PLEKHH1: variants seen among roughly 807,000 people sequenced by gnomAD.
PLEKHH1 encodes pleckstrin homology domain-containing family H member 1.
PLEKHH1 carries 104 observed loss-of-function variants against 160.0 expected under a neutral mutation model. The ratio of observed to expected loss-of-function variants is 0.65; its 90% CI spans 0.55 to 0.76. The LOEUF (loss-of-function observed/expected upper bound fraction) is 0.76. Among genes scored for constraint, PLEKHH1 ranks in the 30% least tolerant of loss-of-function variants. The pLI is 0.00. For missense variants in PLEKHH1, 1,427 were observed against 1,724.1 expected (o/e 0.83, Z 3.05); for synonymous variants, 619 against 678.4 (o/e 0.91, Z 1.36).
At chr14:67,536,997 ACCATTGTACTCCAG>A (rs1240556193) in intron 1 of PLEKHH1, among the ~76,000 whole-genome samples, 1 of 150,938 alleles carries the variant, frequency 6.6e-6, no homozygotes, top group Non-Finnish European at 1.5e-5. Context: ...CCGAGATTGC[ACCATTGTACTCCAG>A]CCTGGGTGAC....
At chr14:67,568,711 C>A (rs984112840) in intron 7 of PLEKHH1, among the ~76,000 whole-genome samples, 4 of 152,130 alleles carry the variant, frequency 2.6e-5, no homozygotes, top group African/African-American at 9.7e-5. Context: ...GCCGCAGTGG[C>A]TTCCTCATTA....
Position 67,573,783 on chromosome 14 carries a change from C to G in PLEKHH1, c.1840-18C>G, listed in dbSNP as rs761716751. On this transcript the variant is annotated intron_variant, in intron 12 of 28. Transcript: ENST00000329153. The surrounding 1 kb of genome is among the most constrained non-coding windows in gnomAD (Gnocchi z 4.8). ...GCTCCACATTCAGTGGCTCTCCTCT[C>G]CAATACTTTCTTTACAGAGTGATGT... The G allele has an allele frequency of 6.4e-7, 1 of 1,564,954 alleles. No individual in the cohort carries two copies.
chr14:67,587,088 C>T lies in PLEKHH1; in HGVS notation c.3948C>T (p.Thr1316=). The T allele has an allele frequency of 6.2e-7, 1 of 1,609,120 alleles. No homozygotes were observed. Among genetic ancestry groups the T allele is most frequent in the Admixed American group, 1.7e-5 (1 of 58,856 alleles). ...CCTCCTCTTAGATTGCAGAAGCTAC[C>T]TTCATCATGGCCAGCTATATGAACC... ...RMAAPKIAEA[T]FIMASYMNHC... The change falls in exon 29 of 29, where the codon ACC becomes ACT. Residue 1316 remains threonine (T), a synonymous_variant. Transcript: ENST00000329153.
At chr14:67,535,370 C>CTT (rs71129833) in intron 1 of PLEKHH1, among the ~76,000 whole-genome samples, 761 of 74,236 alleles carry the variant, frequency 0.01, 163 homozygotes, top group South Asian at 0.061. Flanking sequence ...GTGAGCACAT[C>CTT]TTTTTTTTTT....
At chr14:67,560,931 A>T (rs951497762) in intron 5 of PLEKHH1, among the ~76,000 whole-genome samples, 2 of 152,024 alleles carry the variant, frequency 1.3e-5, no homozygotes, top group Non-Finnish European at 2.9e-5. Flanking sequence ...GGGTTTCGTT[A>T]TGTTGGCCAG....
At position 67,576,699 on chromosome 14, in the gene PLEKHH1, G is replaced by A. The variant is rs925510925; in HGVS notation, c.2461+196G>A. On this transcript the variant is annotated intron_variant, in intron 17 of 28. Coordinates refer to ENST00000329153, the MANE Select transcript of PLEKHH1 (RefSeq NM_020715.3). The surrounding 1 kb of genome is among the most constrained non-coding windows in gnomAD (Gnocchi z 4.0). ...TACTAAGGTGACCACTCTGCATCTG[G>A]GGGAGTTTATCTGGGAAGCAGGCTT... 1.3e-5 allele frequency among the ~76,000 whole-genome samples: 2 copies of A among 152,168 alleles called. No homozygotes were observed. Among genetic ancestry groups the A allele is most frequent in the Non-Finnish European group, 2.9e-5 (2 of 68,016 alleles).
intron 4 of PLEKHH1, among the ~76,000 whole-genome samples, chr14:67,559,229 T>G (rs1032062162): frequency 2.0e-5 from 3 of 152,200 alleles, no homozygotes; most frequent in African/African-American, 7.2e-5. Flanking sequence ...AGGTAACACA[T>G]GCTTATAGTT....
At chr14:67,565,101 G>A (rs141981417) in intron 7 of PLEKHH1, among the ~76,000 whole-genome samples, 2 of 152,274 alleles carry the variant, frequency 1.3e-5, no homozygotes, top group African/African-American at 2.4e-5. Flanking sequence ...TAAGGGCTTC[G>A]CACGGAGCCT....
In PLEKHH1 at chr14:67,562,399, A is replaced by G; in HGVS notation, c.768A>G (p.Gln256=). Residue 256 remains glutamine (Q), a synonymous_variant, in exon 7 of 29, where the codon CAA becomes CAG. Coordinates refer to ENST00000329153, the MANE Select transcript of PLEKHH1 (RefSeq NM_020715.3). The part of the protein sequence containing the change: ...SGETVEAKPL[Q]PHLGRESPPH... ...AAACAGTAGAGGCCAAGCCCCTTCAACCTCATCTGGGAAGAGAGAGCCCTC... is the reference window on the plus strand; with the variant it reads ...AAACAGTAGAGGCCAAGCCCCTTCAGCCTCATCTGGGAAGAGAGAGCCCTC... 1.9e-6 allele frequency: 3 copies of G among 1,613,738 alleles called. No homozygotes were observed. Among genetic ancestry groups the G allele is most frequent in the Non-Finnish European group, 8.5e-7 (1 of 1,179,688 alleles).
chr14:67,583,073 AAG>A (rs1278197803), intron 24 of PLEKHH1, among the ~76,000 whole-genome samples: 1 of 152,182 alleles, frequency 6.6e-6, no homozygotes, highest in East Asian at 1.9e-4. Flanking sequence ...TGACTCCCAT[AAG>A]AGAGTCTGAC....
At chr14:67,557,450 C>T (rs2034640648) in intron 4 of PLEKHH1, 32 bp downstream of exon 4, 4 of 1,602,944 alleles carry the variant, frequency 2.5e-6, no homozygotes, top group African/African-American at 1.3e-5. Flanking sequence ...AGCACCATGC[C>T]CTCTTCGACA....
At chr14:67,563,707 G>T (rs375197194) in intron 7 of PLEKHH1, among the ~76,000 whole-genome samples, 1 of 143,060 alleles carries the variant, frequency 7.0e-6, no homozygotes, top group Admixed American at 7.1e-5. Flanking sequence ...TGCTGGGATT[G>T]TAAGTATGAG....
intron 1 of PLEKHH1, among the ~76,000 whole-genome samples, chr14:67,540,052 G>C (rs1230075200): frequency 6.6e-6 from 1 of 152,134 alleles, no homozygotes; most frequent in Non-Finnish European, 1.5e-5. Flanking sequence ...GAGGTGGCTG[G>C]GTTTTCTGAG....
At chr14:67,544,617 A>G (rs868263347) in intron 2 of PLEKHH1, among the ~76,000 whole-genome samples, 67 of 152,368 alleles carry the variant, frequency 4.4e-4, no homozygotes, top group African/African-American at 1.6e-3. Context: ...AGTTTTGAAG[A>G]CGTAACAAAG....
At position 67,573,212 on chromosome 14, in the gene PLEKHH1, T is replaced by A; in HGVS notation, c.1729-64T>A. On this transcript the variant is annotated intron_variant, in intron 11 of 28. Transcript: ENST00000329153. This position sits in a 1 kb window ranked among gnomAD's most constrained non-coding sequence, Gnocchi z 4.8. ...GTGAGGCAGCTGGACCACTTGGACC[T>A]GTGTGATGTCTAGGAGCCCTGAGTG... 1.0e-6 allele frequency: 1 copy of A among 996,004 alleles called. No homozygotes were observed. Among genetic ancestry groups the A allele is most frequent in the Non-Finnish European group, 1.6e-6 (1 of 628,276 alleles). The allele number at this position is 996,004 out of a possible 1,614,324, so 61.7% of individuals were successfully genotyped here. A position where few individuals can be genotyped will look rare whatever the true frequency, so the allele number is the denominator to read the frequency against.
In PLEKHH1 at chr14:67,573,758, G is replaced by C; in HGVS notation, c.1840-43G>C. ...AGGGTAAATGAGGTGCTCCGGAAAGGCTCCACATTCAGTGGCTCTCCTCTC... is the reference window on the plus strand; with the variant it reads ...AGGGTAAATGAGGTGCTCCGGAAAGCCTCCACATTCAGTGGCTCTCCTCTC... On this transcript the variant is annotated intron_variant, in intron 12 of 28. Transcript: ENST00000329153. The surrounding 1 kb of genome is among the most constrained non-coding windows in gnomAD (Gnocchi z 4.8). 7.8e-7 allele frequency: 1 copy of C among 1,284,034 alleles called. No homozygotes were observed. The highest frequency in any genetic ancestry group is 1.1e-6 in the Non-Finnish European group (1 of 877,954). 79.5% of individuals were successfully genotyped at this position (1,284,034 alleles called of 1,614,324 possible). A position where few individuals can be genotyped will look rare whatever the true frequency, so the allele number is the denominator to read the frequency against.
intron 22 of PLEKHH1, 174 bp downstream of exon 22, chr14:67,580,050 A>T: frequency 1.6e-6 from 1 of 613,194 alleles, no homozygotes; most frequent in Non-Finnish European, 2.8e-6. Flanking sequence ...GGGCAGGGAG[A>T]AAAAAGCTGT....
rs1436572828 is a variant in PLEKHH1, at chr14:67,579,888, C to T, written c.3183+12C>T. On this transcript the variant is annotated intron_variant, in intron 22 of 28. Transcript: ENST00000329153. ...AGGGAAGTGTCAAGGTGACAGCCTCCCACTAAGCCAGCTGAGCCCCTCCCT... is the reference window on the plus strand; with the variant it reads ...AGGGAAGTGTCAAGGTGACAGCCTCTCACTAAGCCAGCTGAGCCCCTCCCT... 1 of 1,585,800 alleles carries T rather than the reference C, an allele frequency of 6.3e-7. No homozygotes were observed. Among genetic ancestry groups the T allele is most frequent in the African/African-American group, 1.3e-5 (1 of 74,426 alleles).
At position 67,573,267 on chromosome 14, in the gene PLEKHH1, A is replaced by C. The variant is rs1299927119; in HGVS notation, c.1729-9A>C. 6.3e-7 allele frequency: 1 copy of C among 1,576,424 alleles called. No individual in the cohort carries two copies. The highest frequency in any genetic ancestry group is 8.7e-7 in the Non-Finnish European group (1 of 1,147,120). On this transcript the variant is annotated splice_polypyrimidine_tract_variant and intron_variant, in intron 11 of 28. Coordinates refer to ENST00000329153, the MANE Select transcript of PLEKHH1 (RefSeq NM_020715.3). This position sits in a 1 kb window ranked among gnomAD's most constrained non-coding sequence, Gnocchi z 4.8. ...CCCCTTTCTTCATCTACACCCTTCC[A>C]CCCCTCAGGAGTCACTGGAGAAGTC...
Sources: gnomAD v4.1 joint callset for allele counts (sites outside exome capture counted in the v4.1 genomes callset) on GRCh38, gnomAD v4.1.1 for gene constraint, Gnocchi (gnomAD v3.1) non-coding constraint, MANE v1.5 for transcripts, NCBI Gene and HGNC (gene_info 2026-07-23, HGNC 2026-07-21) for gene names.